The following NAV2 variants were observed in gnomAD, a reference collection of about 807,000 sequenced individuals.
NAV2 encodes neuron navigator 2, also known as helicase, APC down-regulated 1.
Under a neutral mutation model 223.2 loss-of-function variants are expected in NAV2, and 54 were observed. That is an observed-to-expected ratio of 0.24 (90% CI 0.19 to 0.30). The LOEUF (loss-of-function observed/expected upper bound fraction) is 0.30, where lower values mean the gene tolerates loss of function less well. NAV2 is among the 10% of genes least tolerant of loss of function. NAV2 has a pLI of 1.00. For missense variants in NAV2, 2,806 were observed against 3,147.5 expected (o/e 0.89, Z 2.60); for synonymous variants, 1,279 against 1,239.3 (o/e 1.03, Z -0.67).
At chr11:19,823,425 C>G (rs935810192) in intron 1 of NAV2, among the ~76,000 whole-genome samples, 3 of 152,216 alleles carry the variant, frequency 2.0e-5, no homozygotes, top group African/African-American at 7.2e-5. Flanking sequence ...CCAGGCTGTT[C>G]TCAACCTCCT....
chr11:19,416,965 A>G (rs1850397538), intron 1 of NAV2, among the ~76,000 whole-genome samples: 2 of 152,248 alleles, frequency 1.3e-5, no homozygotes, highest in Non-Finnish European at 2.9e-5. Flanking sequence ...TTAAAGACTT[A>G]AACGTAAGAT....
intron 1 of NAV2, among the ~76,000 whole-genome samples, chr11:19,587,560 A>G (rs533456395): frequency 6.6e-6 from 1 of 152,272 alleles, no homozygotes; most frequent in South Asian, 2.1e-4. Flanking sequence ...AGTTCATTTT[A>G]TCAGGGCTTT....
At position 19,787,974 on chromosome 11, in the gene NAV2, C is replaced by T. The variant is rs539906501; in HGVS notation, c.268-44510C>T. ...TCCTCTCCAAAAGAACCTGGATGCC[C>T]GTCCCACATGTTACTTTCTCCATTC... On this transcript the variant is annotated intron_variant, in intron 1 of 37. Transcript: ENST00000349880. Among the ~76,000 whole-genome samples the T allele has an allele frequency of 3.9e-5, 6 of 152,230 alleles. No individual in the cohort carries two copies. In the East Asian group the frequency reaches 7.7e-4, roughly 20 times the overall value.
At chr11:19,408,549 T>A (rs1253294131) in intron 1 of NAV2, among the ~76,000 whole-genome samples, 1 of 152,216 alleles carries the variant, frequency 6.6e-6, no homozygotes, top group Non-Finnish European at 1.5e-5. Flanking sequence ...CTCATTACCC[T>A]CCATCCTCAC....
intron 12 of NAV2, among the ~76,000 whole-genome samples, chr11:20,043,165 C>T (rs2057101251): frequency 6.6e-6 from 1 of 152,170 alleles, no homozygotes; most frequent in Non-Finnish European, 1.5e-5. Context: ...TGCGTAGAAC[C>T]AGCAGCCACC....
intron 19 of NAV2, among the ~76,000 whole-genome samples, chr11:20,056,294 G>A (rs1445766976): frequency 6.6e-6 from 1 of 152,124 alleles, no homozygotes. Context: ...CTCAGCCACC[G>A]GCTCACCATC....
At chr11:19,444,468 C>A (rs1851512351) in intron 1 of NAV2, among the ~76,000 whole-genome samples, 1 of 152,110 alleles carries the variant, frequency 6.6e-6, no homozygotes, top group Non-Finnish European at 1.5e-5. Flanking sequence ...CAGATGGGCT[C>A]ATAAAATGTT....
rs1215445202 is a variant in NAV2, at chr11:19,933,079, T to A, written c.932-97T>A. 7.2e-7 allele frequency: 1 copy of A among 1,391,670 alleles called. No individual in the cohort carries two copies. Among genetic ancestry groups the A allele is most frequent in the Non-Finnish European group, 9.5e-7 (1 of 1,049,832 alleles). The allele number at this position is 1,391,670 out of a possible 1,614,324, so 86.2% of individuals were successfully genotyped here. ...GCAATGGAGCTATACGGCATTTGGG[T>A]TGGGAGTGATTGGTTGTGTGGCCAT... On this transcript the variant is annotated intron_variant, in intron 6 of 37. Coordinates refer to ENST00000349880, the MANE Select transcript of NAV2 (RefSeq NM_145117.5). The surrounding 1 kb of genome is among the most constrained non-coding windows in gnomAD (Gnocchi z 4.3).
At chr11:20,104,014 TG>T (rs1328618280) in intron 34 of NAV2, among the ~76,000 whole-genome samples, 1 of 152,212 alleles carries the variant, frequency 6.6e-6, no homozygotes, top group Admixed American at 6.5e-5. Context: ...CTCTGAGTCT[TG>T]CTGTCATAGG....
At chr11:19,470,614 A>T (rs2041934401) in intron 1 of NAV2, among the ~76,000 whole-genome samples, 1 of 152,160 alleles carries the variant, frequency 6.6e-6, no homozygotes, top group Non-Finnish European at 1.5e-5. Flanking sequence ...ATAATGACCT[A>T]ATCACCTCTT....
intron 1 of NAV2, among the ~76,000 whole-genome samples, chr11:19,628,587 C>T (rs192765167): frequency 1.8e-4 from 27 of 152,328 alleles, no homozygotes; most frequent in Admixed American, 1.8e-3. Flanking sequence ...TTCAGGTGTA[C>T]ACATGTAACT....
intron 10 of NAV2, among the ~76,000 whole-genome samples, chr11:19,951,433 A>ACTG (rs2047390181): frequency 6.6e-6 from 1 of 151,946 alleles, no homozygotes; most frequent in East Asian, 1.9e-4. Flanking sequence ...TACACCTATT[A>ACTG]CAACTGAATT....
intron 22 of NAV2, among the ~76,000 whole-genome samples, chr11:20,077,328 G>A (rs566010944): frequency 3.9e-4 from 59 of 152,082 alleles, no homozygotes; most frequent in Non-Finnish European, 7.9e-4. Flanking sequence ...GAGGGGAAAA[G>A]ATGTACAAGG....
At chr11:20,053,006 C>T (rs1249435650) in intron 17 of NAV2, among the ~76,000 whole-genome samples, 5 of 151,906 alleles carry the variant, frequency 3.3e-5, no homozygotes, top group Non-Finnish European at 7.4e-5. Flanking sequence ...CACTTGAGGG[C>T]GGGAGTTCAA....
At chr11:19,768,522 C>T (rs1043961429) in intron 1 of NAV2, among the ~76,000 whole-genome samples, 4 of 151,996 alleles carry the variant, frequency 2.6e-5, no homozygotes, top group African/African-American at 9.7e-5. Context: ...TTGAAAGAAC[C>T]GTGGCCTTTG....
intron 1 of NAV2, among the ~76,000 whole-genome samples, chr11:19,755,324 T>C (rs1423589387): frequency 2.0e-5 from 3 of 152,180 alleles, no homozygotes; most frequent in Non-Finnish European, 4.4e-5. Flanking sequence ...AACTCTGTCA[T>C]TCTATTTTTT....
intron 1 of NAV2, among the ~76,000 whole-genome samples, chr11:19,555,007 T>C (rs1177719412): frequency 1.6e-4 from 5 of 31,244 alleles, no homozygotes; most frequent in Admixed American, 5.9e-4. Flanking sequence ...ACATACCATG[T>C]TTTGCAAAAA....
In NAV2 at chr11:19,948,907, C is replaced by T. The variant is rs568838794; in HGVS notation, c.2472C>T (p.Ser824=). Residue 824 remains serine, a synonymous_variant, in exon 10 of 38, where the codon TCC becomes TCT. Coordinates refer to ENST00000349880, the MANE Select transcript of NAV2 (RefSeq NM_145117.5). ...CTGAGTCAGGTCGCTATGTGTACTC[C>T]GCCCCTCTGAGAAGGCAGCTGGCCT... is the stretch of plus-strand genomic sequence containing the variant. ...INTESGRYVY[S]APLRRQLASR... 92 of 1,614,002 alleles carry T rather than the reference C, an allele frequency of 5.7e-5. No individual in the cohort carries two copies. Among genetic ancestry groups the T allele is most frequent in the Non-Finnish European group, 6.4e-5 (76 of 1,180,036 alleles).
At chr11:20,023,547 A>T (rs2054712100) in intron 11 of NAV2, among the ~76,000 whole-genome samples, 1 of 152,156 alleles carries the variant, frequency 6.6e-6, no homozygotes, top group African/African-American at 2.4e-5. Context: ...GGGGCAGTAC[A>T]GAGGGGTGAG....
Sources: allele counts gnomAD v4.1 joint callset (sites outside exome capture counted in the v4.1 genomes callset), GRCh38; gene constraint gnomAD v4.1.1; non-coding constraint Gnocchi (gnomAD v3.1); transcripts MANE v1.5; gene names NCBI Gene and HGNC (gene_info 2026-07-23, HGNC 2026-07-21).